Variants in STYK1 observed in about 807,000 individuals in gnomAD.
STYK1 encodes STY kinase 1.
A neutral mutation model predicts 48.1 loss-of-function variants in STYK1; 46 were observed. The observed-to-expected ratio is 0.96, with a 90% CI of 0.75 to 1.22. STYK1 has a LOEUF of 1.22. Ranked by LOEUF, STYK1 falls within the 50% of genes most tolerant of loss-of-function variation. The pLI, the probability that STYK1 is intolerant of heterozygous loss-of-function variation, is 0.00. For synonymous variants in STYK1, 188 were observed against 189.0 expected, an observed-to-expected ratio of 0.99 and a Z score of 0.04; for missense variants, 527 against 521.1, an observed-to-expected ratio of 1.01 and a Z score of -0.11.
At chr12:10,635,180 G>A (rs1947472993) in intron 2 of STYK1, among the ~76,000 whole-genome samples, 1 of 152,158 alleles carries the variant, frequency 6.6e-6, no homozygotes, top group Non-Finnish European at 1.5e-5. Flanking sequence ...GCAGTGGTGT[G>A]ATCATGCATG....
rs975653162 is a variant in STYK1 at position 10,619,821 on chromosome 12, C to T, written c.*323G>A. ...ATGTGGTTCCAGAGGAAACTAGCCT[C>T]GGACGGGAGGGATGAGCTTATTTGT... is the stretch of plus-strand genomic sequence containing the variant. On this transcript the variant is annotated 3_prime_UTR_variant, in exon 11 of 11. Transcript: ENST00000075503. The T allele has an allele frequency of 2.4e-5, 10 of 413,596 alleles. No homozygotes were observed. The highest frequency in any genetic ancestry group is 3.4e-5 in the East Asian group (1 of 29,034). 25.6% of individuals were successfully genotyped at this position (413,596 alleles called of 1,614,324 possible).
At chr12:10,646,824 G>T (rs921095373) in intron 1 of STYK1, among the ~76,000 whole-genome samples, 1 of 152,214 alleles carries the variant, frequency 6.6e-6, no homozygotes, top group Admixed American at 6.5e-5. Flanking sequence ...TGTCCCAGCT[G>T]CTCCAGCTGT....
chr12:10,622,151 G>A (rs1865918018), intron 9 of STYK1, among the ~76,000 whole-genome samples, 179 bp from the exon 10 acceptor site: 1 of 152,164 alleles, frequency 6.6e-6, no homozygotes, highest in Non-Finnish European at 1.5e-5. Context: ...GAATTGGGGG[G>A]AAAGGTGTTT....
intron 1 of STYK1, among the ~76,000 whole-genome samples, chr12:10,644,381 C>T (rs1591689620): frequency 6.6e-6 from 1 of 152,204 alleles, no homozygotes; most frequent in Non-Finnish European, 1.5e-5. Context: ...GTTCATTATA[C>T]TGTGCCATTG....
chr12:10,666,936 T>A (rs1947839935), intron 1 of STYK1, among the ~76,000 whole-genome samples: 1 of 152,222 alleles, frequency 6.6e-6, no homozygotes, highest in Non-Finnish European at 1.5e-5. Flanking sequence ...CTAGTACACA[T>A]GTGTATTACT....
At chr12:10,670,376 A>G (rs775765204) in intron 1 of STYK1, among the ~76,000 whole-genome samples, 1 of 152,234 alleles carries the variant, frequency 6.6e-6, no homozygotes, top group Non-Finnish European at 1.5e-5. Flanking sequence ...TACATACAGT[A>G]TAAACACAAT....
intron 6 of STYK1, among the ~76,000 whole-genome samples, chr12:10,628,258 T>C (rs781430667): frequency 5.9e-5 from 9 of 152,178 alleles, no homozygotes; most frequent in Non-Finnish European, 1.3e-4. Flanking sequence ...ATAAAGGAAA[T>C]GTACAAAGTG....
Position 10,631,101 on chromosome 12 carries a change from T to C in STYK1, c.395A>G (p.Asn132Ser), listed in dbSNP as rs777198366. ...SGSCGPIFRA[N>S]MNTGDPSKPK... is the part of the protein sequence containing the mutation. The stretch of plus-strand genomic sequence containing the variant: ...CTTAGAAGGGTCCCCAGTGTTCATA[T>C]TGGCTCGAAAGATGGGCCCACAGCT... The change falls in exon 5 of 11, where the codon AAT becomes AGT. Residue 132 changes from asparagine to serine, a missense_variant. Coordinates refer to ENST00000075503, the MANE Select transcript of STYK1 (RefSeq NM_018423.3). The C allele has an allele frequency of 8.1e-6, 13 of 1,614,088 alleles. No individual in the cohort carries two copies. The highest frequency in any genetic ancestry group is 4.4e-5 in the South Asian group (4 of 91,084).
At chr12:10,635,821 T>C (rs900867479) in intron 2 of STYK1, among the ~76,000 whole-genome samples, 3 of 152,346 alleles carry the variant, frequency 2.0e-5, no homozygotes, top group Non-Finnish European at 2.9e-5. Flanking sequence ...CTTGGTTCTT[T>C]CTTTCCAAAG....
At chr12:10,664,603 CA>C (rs978536087) in intron 1 of STYK1, among the ~76,000 whole-genome samples, 2 of 152,134 alleles carry the variant, frequency 1.3e-5, no homozygotes, top group Non-Finnish European at 2.9e-5. Flanking sequence ...CTGATACTGC[CA>C]AATCTTTATT....
chr12:10,658,816 A>G (rs536528332), intron 1 of STYK1, among the ~76,000 whole-genome samples: 2 of 152,244 alleles, frequency 1.3e-5, no homozygotes, highest in South Asian at 4.1e-4. Context: ...TAATTCTAAT[A>G]TGACTTAGTA....
intron 1 of STYK1, among the ~76,000 whole-genome samples, chr12:10,649,938 C>A (rs1947642203): frequency 6.6e-6 from 1 of 151,772 alleles, no homozygotes; most frequent in African/African-American, 2.4e-5. Flanking sequence ...TGGTGAAACC[C>A]CGTCTCTACT....
chr12:10,630,820 T>C (rs1947418390), intron 5 of STYK1, among the ~76,000 whole-genome samples: 1 of 152,030 alleles, frequency 6.6e-6, no homozygotes, highest in African/African-American at 2.4e-5. Flanking sequence ...GTAGTAGTCA[T>C]TTTAGTTATT....
intron 1 of STYK1, among the ~76,000 whole-genome samples, chr12:10,645,329 C>T (rs754087009): frequency 4.6e-5 from 7 of 151,970 alleles, no homozygotes; most frequent in African/African-American, 7.3e-5. Flanking sequence ...ATGATCTTTG[C>T]GACCTATATG....
rs1445093455 is a variant in STYK1, at chr12:10,619,028, G to A, written c.*1116C>T. 3 of 152,270 alleles carry A rather than the reference G, an allele frequency of 2.0e-5. No individual in the cohort carries two copies. In the East Asian group the frequency reaches 5.8e-4, roughly 29 times the overall value. 9.4% of individuals were successfully genotyped at this position (152,270 alleles called of 1,614,324 possible). On this transcript the variant is annotated 3_prime_UTR_variant, in exon 11 of 11. Transcript: ENST00000075503. ...GTATCAATCCTCAGAACAACCTTGT[G>A]AAATAGGTATTATCCCCATTTACAC...
At chr12:10,647,960 T>G (rs1378284651) in intron 1 of STYK1, among the ~76,000 whole-genome samples, 2 of 152,314 alleles carry the variant, frequency 1.3e-5, no homozygotes, top group East Asian at 3.9e-4. Context: ...TTAAACCTCT[T>G]TCTTTTGTAA....
chr12:10,643,913 T>C (rs1947572362), intron 1 of STYK1, among the ~76,000 whole-genome samples: 1 of 152,208 alleles, frequency 6.6e-6, no homozygotes, highest in Non-Finnish European at 1.5e-5. Context: ...TTGCTTGTTT[T>C]ATTCTAAGTA....
intron 1 of STYK1, among the ~76,000 whole-genome samples, chr12:10,662,943 G>C (rs943503651): frequency 6.6e-6 from 1 of 152,066 alleles, no homozygotes; most frequent in Admixed American, 6.5e-5. Flanking sequence ...TTACACTTAG[G>C]TTTTTCCTAA....
chr12:10,630,033 GAGAGAGAGAGAGAGA>G, intron 5 of STYK1, among the ~76,000 whole-genome samples: 1 of 50 alleles, frequency 0.02, no homozygotes, highest in East Asian at 0.5. Context: ...TCATGAAGAG[GAGAGAGAGAGAGAGA>G]GAGAGAGAGA....
Sources: allele counts gnomAD v4.1 joint callset (sites outside exome capture counted in the v4.1 genomes callset), GRCh38; gene constraint gnomAD v4.1.1; transcripts MANE v1.5; gene names NCBI Gene and HGNC (gene_info 2026-07-23, HGNC 2026-07-21).